CRYL1: variants seen among roughly 807,000 people sequenced by gnomAD.
The protein encoded by CRYL1 is lambda-crystallin homolog.
In CRYL1, 29 loss-of-function variants were observed where a neutral mutation model predicts 36.6. The ratio of observed to expected loss-of-function variants is 0.79; its 90% CI spans 0.59 to 1.08. The LOEUF (loss-of-function observed/expected upper bound fraction) is 1.08, where lower values mean the gene tolerates loss of function less well. CRYL1 is among the 50% of genes least tolerant of loss of function. CRYL1 has a pLI of 0.00. For synonymous variants in CRYL1, 152 were observed against 151.5 expected (o/e 1.00, Z -0.02); for missense variants, 411 against 407.9 (o/e 1.01, Z -0.06).
chr13:20,472,154 T>A (rs1006452546), intron 3 of CRYL1, among the ~76,000 whole-genome samples: 2 of 152,060 alleles, frequency 1.3e-5, no homozygotes, highest in Non-Finnish European at 2.9e-5. Context: ...AGCCACCACA[T>A]CCGGCCCAAG....
rs376392155 is a variant in CRYL1, at chr13:20,404,200, C to T, written c.889G>A (p.Ala297Thr). 2 of 1,613,882 alleles carry T rather than the reference C, an allele frequency of 1.2e-6. No homozygotes were observed. Among genetic ancestry groups the T allele is most frequent in the Non-Finnish European group, 1.7e-6 (2 of 1,179,948 alleles). The stretch of plus-strand genomic sequence containing the variant: ...CACTCGTCCCTCCACTGCCTCCTGG[C>T]AGCTAAGTGCTCCGGGTCATCAGGG... ...KVPDDPEHLAARRQWRDECLM... is the reference protein window; with the variant it reads ...KVPDDPEHLATRRQWRDECLM... The change falls in exon 8 of 8, where the codon GCC (alanine) becomes ACC (threonine). Residue 297 changes from alanine (A) to threonine (T), a missense_variant. Physicochemically the swap from Ala to Thr is moderately conservative, Grantham distance 58. Coordinates refer to ENST00000298248, the MANE Select transcript of CRYL1 (RefSeq NM_015974.3).
intron 2 of CRYL1, among the ~76,000 whole-genome samples, chr13:20,511,772 G>A (rs958656246): frequency 2.0e-5 from 3 of 152,172 alleles, no homozygotes; most frequent in East Asian, 1.9e-4. Context: ...TTCTGGGCAC[G>A]CTGCAATGGC....
intron 3 of CRYL1, among the ~76,000 whole-genome samples, chr13:20,441,234 C>A (rs748731562): frequency 6.6e-6 from 1 of 152,156 alleles, no homozygotes; most frequent in Non-Finnish European, 1.5e-5. Context: ...GAATCAACGG[C>A]GTGTCTTGTT....
At chr13:20,421,078 G>A (rs974482473) in intron 5 of CRYL1, among the ~76,000 whole-genome samples, 3 of 147,352 alleles carry the variant, frequency 2.0e-5, no homozygotes, top group Middle Eastern at 3.4e-3. Context: ...AAAAAAAAAT[G>A]GAAAGGAAAG....
In CRYL1 at chr13:20,451,715, A is replaced by G. The variant is rs2032574145; in HGVS notation, c.277-11961T>C. Among the ~76,000 whole-genome samples the G allele has an allele frequency of 2.6e-5, 4 of 152,248 alleles. No individual in the cohort carries two copies. The South Asian group carries it at 6.2e-4, about 24-fold the overall frequency. The stretch of plus-strand genomic sequence containing the variant: ...GTAAATCAGTTCAGCCACTGTGGAA[A>G]GCAGTCTGGAGATTTCTCAAAGAAC... On this transcript the variant is annotated intron_variant, in intron 3 of 7. Coordinates refer to ENST00000298248, the MANE Select transcript of CRYL1 (RefSeq NM_015974.3).
At chr13:20,451,682 G>C (rs892909520) in intron 3 of CRYL1, among the ~76,000 whole-genome samples, 2 of 152,230 alleles carry the variant, frequency 1.3e-5, no homozygotes, top group African/African-American at 4.8e-5. Context: ...TACACTGTTG[G>C]TAGGAAAGTA....
intron 4 of CRYL1, among the ~76,000 whole-genome samples, chr13:20,437,996 G>C (rs1053846712): frequency 6.6e-6 from 1 of 152,130 alleles, no homozygotes; most frequent in Non-Finnish European, 1.5e-5. Context: ...CAAAGCAAAG[G>C]CACGACAGGC....
At chr13:20,455,156 CA>C (rs986636913) in intron 3 of CRYL1, among the ~76,000 whole-genome samples, 7 of 151,698 alleles carry the variant, frequency 4.6e-5, no homozygotes, top group East Asian at 1.9e-4. Context: ...AATGGAAAAT[CA>C]AAAAAAATGT....
intron 5 of CRYL1, among the ~76,000 whole-genome samples, chr13:20,429,786 C>G (rs2032014798): frequency 6.6e-6 from 1 of 152,176 alleles, no homozygotes; most frequent in Non-Finnish European, 1.5e-5. Flanking sequence ...CAGCAGGCTC[C>G]CCTAGCGCCC....
At chr13:20,468,906 G>A (rs932423297) in intron 3 of CRYL1, among the ~76,000 whole-genome samples, 2 of 151,886 alleles carry the variant, frequency 1.3e-5, no homozygotes, top group African/African-American at 2.4e-5. Context: ...CATGCCCAGC[G>A]CTCCCTTTAC....
At chr13:20,439,938 C>T (rs2032318642) in intron 3 of CRYL1, 184 bp from the exon 4 acceptor site, 2 of 575,756 alleles carry the variant, frequency 3.5e-6, no homozygotes, top group Admixed American at 3.0e-5. Context: ...GTCCCTCTGC[C>T]CTTCTGCTCT....
intron 3 of CRYL1, among the ~76,000 whole-genome samples, chr13:20,479,517 G>C (rs7984258): frequency 3.9e-5 from 6 of 152,204 alleles, no homozygotes; most frequent in African/African-American, 7.2e-5. Flanking sequence ...TTATTTTCTA[G>C]GTGATATTTG....
chr13:20,495,929 C>G (rs1309696097), intron 2 of CRYL1, among the ~76,000 whole-genome samples: 1 of 152,162 alleles, frequency 6.6e-6, no homozygotes, highest in East Asian at 1.9e-4. Flanking sequence ...TCCCAAATAG[C>G]TGGGACTACA....
intron 3 of CRYL1, among the ~76,000 whole-genome samples, chr13:20,487,471 T>C (rs1218826279): frequency 6.6e-6 from 1 of 152,140 alleles, no homozygotes. Context: ...CAAAAAGTGA[T>C]TGTAATGAAG....
At chr13:20,464,494 CA>C (rs1424109720) in intron 3 of CRYL1, among the ~76,000 whole-genome samples, 1 of 152,126 alleles carries the variant, frequency 6.6e-6, no homozygotes, top group Non-Finnish European at 1.5e-5. Flanking sequence ...AAAGTATGGA[CA>C]GAAGGAGACC....
intron 3 of CRYL1, among the ~76,000 whole-genome samples, chr13:20,476,094 C>T (rs2033161618): frequency 1.3e-5 from 2 of 152,176 alleles, no homozygotes; most frequent in African/African-American, 4.8e-5. Flanking sequence ...GTAGCAGCCT[C>T]CTCTGCCAAA....
At chr13:20,437,357 G>A (rs1464110649) in intron 4 of CRYL1, among the ~76,000 whole-genome samples, 1 of 150,778 alleles carries the variant, frequency 6.6e-6, no homozygotes, top group Non-Finnish European at 1.5e-5. Flanking sequence ...GCCCAGGCTG[G>A]AGTGCAGTGG....
Position 20,414,206 on chromosome 13 carries a change from TACACAC to T in CRYL1, c.634-825_634-820del, listed in dbSNP as rs55719240. On this transcript the variant is annotated intron_variant, in intron 5 of 7. Coordinates refer to ENST00000298248, the MANE Select transcript of CRYL1 (RefSeq NM_015974.3). ...AATAAATAAATAAAAATTAAAAAAATACACACACACACACACACACACATATGTATA... is the reference window on the plus strand; with the variant it reads ...AATAAATAAATAAAAATTAAAAAAATACACACACACACACACATATGTATA... Among the ~76,000 whole-genome samples, 9,111 of 150,486 alleles carry T rather than the reference TACACAC, an allele frequency of 0.061. 752 individuals carry two copies. Among genetic ancestry groups the T allele is most frequent in the African/African-American group, 0.17 (6,948 of 40,998 alleles).
At chr13:20,467,196 C>T (rs2032957102) in intron 3 of CRYL1, among the ~76,000 whole-genome samples, 1 of 152,012 alleles carries the variant, frequency 6.6e-6, no homozygotes, top group Non-Finnish European at 1.5e-5. Context: ...ATCTGCCCAC[C>T]TCGGCCTCCC....
Sources: allele counts gnomAD v4.1 joint callset (sites outside exome capture counted in the v4.1 genomes callset), GRCh38; gene constraint gnomAD v4.1.1; transcripts MANE v1.5; gene names NCBI Gene and HGNC (gene_info 2026-07-23, HGNC 2026-07-21).